The following RABGAP1L variants were observed in gnomAD, a reference collection of about 807,000 sequenced individuals.
The protein encoded by RABGAP1L is RAB GTPase activating protein 1 like.
In RABGAP1L, 63 loss-of-function variants were observed where a neutral mutation model predicts 137.7. The ratio of observed to expected loss-of-function variants is 0.46; its 90% CI spans 0.37 to 0.56. RABGAP1L has a LOEUF of 0.56. Among genes scored for constraint, RABGAP1L ranks in the 20% least tolerant of loss-of-function variants. The pLI is 0.00. For missense variants in RABGAP1L, 1,095 were observed against 1,244.0 expected, an observed-to-expected ratio of 0.88 and a Z score of 1.80; for synonymous variants, 431 against 433.7, an observed-to-expected ratio of 0.99 and a Z score of 0.08.
At chr1:174,921,266 C>T (rs988881679) in intron 19 of RABGAP1L, among the ~76,000 whole-genome samples, 3 of 152,192 alleles carry the variant, frequency 2.0e-5, no homozygotes, top group Admixed American at 6.5e-5. Flanking sequence ...GAACTAATAA[C>T]GTCACTAATA....
chr1:174,273,545 C>T (rs1674728709), intron 8 of RABGAP1L, among the ~76,000 whole-genome samples: 1 of 151,326 alleles, frequency 6.6e-6, no homozygotes, highest in Non-Finnish European at 1.5e-5. Flanking sequence ...ATGTCTCTTA[C>T]ATCTTTTTTT....
At chr1:174,341,527 C>G (rs1040673537) in intron 11 of RABGAP1L, among the ~76,000 whole-genome samples, 4 of 152,118 alleles carry the variant, frequency 2.6e-5, no homozygotes, top group African/African-American at 9.7e-5. Flanking sequence ...ACCGCTTACT[C>G]ATGTATTTTA....
intron 11 of RABGAP1L, among the ~76,000 whole-genome samples, chr1:174,355,894 C>G (rs1683591261): frequency 6.6e-6 from 1 of 152,078 alleles, no homozygotes; most frequent in Non-Finnish European, 1.5e-5. Context: ...ATAAATCACC[C>G]TGCTTTTGAC....
intron 14 of RABGAP1L, among the ~76,000 whole-genome samples, chr1:174,638,428 A>G (rs2148345585): frequency 6.6e-6 from 1 of 151,696 alleles, no homozygotes; most frequent in East Asian, 1.9e-4. Context: ...ACACTTTTAC[A>G]CTGTTGGTGG....
intron 1 of RABGAP1L, among the ~76,000 whole-genome samples, chr1:174,187,072 A>G (rs892866299): frequency 2.0e-5 from 3 of 152,136 alleles, no homozygotes; most frequent in Admixed American, 2.0e-4. Context: ...GCCTTTCCAC[A>G]TATTGTTCCC....
In RABGAP1L at chr1:174,219,168, G is replaced by C; in HGVS notation, c.11G>C (p.Arg4Thr). MEV[R>T]ASLQKVSGSS... ...GTTTGCAGAACTGAAATGGAGGTCA[G>C]AGCTTCATTACAGAAGGTTAGTGGA... The change falls in exon 2 of 26, where the codon AGA becomes ACA. Residue 4 changes from arginine (R) to threonine (T), a missense_variant. This residue lies in a region of RABGAP1L where 356 missense variants were observed against 326.3 expected (regional missense o/e 1.09). Transcript: ENST00000681986. The C allele has an allele frequency of 1.3e-6, 2 of 1,599,530 alleles. No homozygotes were observed. The highest frequency in any genetic ancestry group is 1.7e-6 in the Non-Finnish European group (2 of 1,174,048).
intron 17 of RABGAP1L, among the ~76,000 whole-genome samples, chr1:174,702,750 A>G (rs1045714604): frequency 1.3e-5 from 2 of 152,132 alleles, no homozygotes; most frequent in Non-Finnish European, 2.9e-5. Context: ...TCATATAATT[A>G]TATTTTTATA....
chr1:174,773,312 G>GCCCA (rs1379610721), intron 18 of RABGAP1L, among the ~76,000 whole-genome samples: 2 of 152,146 alleles, frequency 1.3e-5, no homozygotes, highest in African/African-American at 4.8e-5. Flanking sequence ...GATCACTTGA[G>GCCCA]CCCATGAGTG....
chr1:174,296,382 G>A (rs1386389851), intron 10 of RABGAP1L, among the ~76,000 whole-genome samples: 1 of 152,142 alleles, frequency 6.6e-6, no homozygotes, highest in Non-Finnish European at 1.5e-5. Flanking sequence ...TTTATTTTAT[G>A]TAATTTACTC....
chr1:174,898,522 G>A (rs1223712137), intron 19 of RABGAP1L, among the ~76,000 whole-genome samples: 4 of 152,206 alleles, frequency 2.6e-5, no homozygotes, highest in African/African-American at 9.7e-5. Flanking sequence ...TATAATTAGA[G>A]TTTCTTTTAC....
At chr1:174,869,198 A>G (rs1009707546) in intron 19 of RABGAP1L, among the ~76,000 whole-genome samples, 5 of 151,838 alleles carry the variant, frequency 3.3e-5, no homozygotes, top group Admixed American at 6.6e-5. Context: ...CATTGTTACT[A>G]TTTTCTCGTT....
intron 13 of RABGAP1L, among the ~76,000 whole-genome samples, chr1:174,478,440 A>T (rs963049303): frequency 1.8e-4 from 27 of 150,454 alleles, no homozygotes; most frequent in Admixed American, 8.0e-4. Flanking sequence ...CTGGCTAATT[A>T]AAAAAAAAAT....
intron 10 of RABGAP1L, 45 bp downstream of exon 10, chr1:174,278,824 C>A: frequency 7.5e-7 from 1 of 1,333,462 alleles, no homozygotes; most frequent in Non-Finnish European, 9.8e-7. Flanking sequence ...AAACATTTTT[C>A]TTTCCACACT....
intron 13 of RABGAP1L, among the ~76,000 whole-genome samples, chr1:174,416,847 T>A (rs576457364): frequency 7.2e-5 from 11 of 152,118 alleles, no homozygotes; most frequent in Non-Finnish European, 1.6e-4. Context: ...CCCAGGCTGC[T>A]TTGTGTTTGT....
chr1:174,913,195 C>T (rs555826322), intron 19 of RABGAP1L, among the ~76,000 whole-genome samples: 7 of 152,192 alleles, frequency 4.6e-5, no homozygotes, highest in Admixed American at 1.3e-4. Context: ...AGACTGGTCT[C>T]GAACTCCTGA....
At chr1:174,554,768 A>G (rs1666770187) in intron 13 of RABGAP1L, among the ~76,000 whole-genome samples, 1 of 152,204 alleles carries the variant, frequency 6.6e-6, no homozygotes, top group Non-Finnish European at 1.5e-5. Context: ...GTCTTATCAC[A>G]TATCACAGAT....
chr1:174,932,229 A>T (rs1395192330), intron 19 of RABGAP1L, among the ~76,000 whole-genome samples: 1 of 151,010 alleles, frequency 6.6e-6, no homozygotes, highest in Non-Finnish European at 1.5e-5. Context: ...AGGGATGTTT[A>T]TTCATTTATT....
In RABGAP1L at chr1:174,227,522, T is replaced by G. The variant is rs140673284; in HGVS notation, c.332-3623T>G. Among the ~76,000 whole-genome samples, 761 of 152,190 alleles carry G rather than the reference T, an allele frequency of 5.0e-3. 6 individuals are homozygous for G. The highest frequency in any genetic ancestry group is 0.016 in the African/African-American group (658 of 41,544). ...AGCTGACCATTTACCTTTGATGTAA[T>G]TTTAAATATATTTGGATCTAAGTGT... On this transcript the variant is annotated intron_variant, in intron 3 of 25. Coordinates refer to ENST00000681986, the MANE Select transcript of RABGAP1L (RefSeq NM_001366446.1).
intron 13 of RABGAP1L, among the ~76,000 whole-genome samples, chr1:174,405,374 A>T (rs1486376956): frequency 6.6e-6 from 1 of 152,246 alleles, no homozygotes; most frequent in African/African-American, 2.4e-5. Context: ...GAGTCAGAGC[A>T]TCGCTTAATT....
Sources: gnomAD v4.1 joint callset for allele counts (sites outside exome capture counted in the v4.1 genomes callset) on GRCh38, gnomAD v4.1.1 for gene constraint, gnomAD v4.1.1 regional missense constraint, MANE v1.5 for transcripts, NCBI Gene and HGNC (gene_info 2026-07-23, HGNC 2026-07-21) for gene names.